CHST8: variants seen among roughly 807,000 people sequenced by gnomAD.
CHST8 encodes GALNAC-4-ST1.
CHST8 carries 10 observed loss-of-function variants against 15.0 expected under a neutral mutation model. That is an observed-to-expected ratio of 0.67 (90% CI 0.41 to 1.13). CHST8 has a LOEUF of 1.13. CHST8 is among the 50% of genes most tolerant of loss of function. The probability of loss-of-function intolerance (pLI) is 0.00; values close to 1 mark genes in which losing one functional copy is unlikely to be tolerated. For missense variants in CHST8, 634 were observed against 608.2 expected, an observed-to-expected ratio of 1.04 and a Z score of -0.45; for synonymous variants, 259 against 256.6, an observed-to-expected ratio of 1.01 and a Z score of -0.09.
chr19:33,622,618 C>G (rs1460826502), intron 1 of CHST8, among the ~76,000 whole-genome samples: 1 of 152,160 alleles, frequency 6.6e-6, no homozygotes, highest in Non-Finnish European at 1.5e-5. Flanking sequence ...CCTCCTGGCC[C>G]TCGGTGCTGC....
intron 3 of CHST8, among the ~76,000 whole-genome samples, chr19:33,748,968 C>G (rs1461891420): frequency 6.6e-6 from 1 of 152,152 alleles, no homozygotes; most frequent in African/African-American, 2.4e-5. Flanking sequence ...AGCTCCCACC[C>G]AACAGGCGCA....
intron 1 of CHST8, among the ~76,000 whole-genome samples, chr19:33,626,598 A>C (rs1157881748): frequency 6.6e-6 from 1 of 152,086 alleles, no homozygotes; most frequent in Non-Finnish European, 1.5e-5. Context: ...TAGTTCCCAC[A>C]AGAGCTGGTT....
At chr19:33,638,095 A>C (rs1445060848) in intron 1 of CHST8, among the ~76,000 whole-genome samples, 1 of 151,998 alleles carries the variant, frequency 6.6e-6, no homozygotes, top group Non-Finnish European at 1.5e-5. Flanking sequence ...CTCCATCCAA[A>C]TATGCTGTCA....
chr19:33,676,887 A>G (rs1291302003), intron 2 of CHST8, among the ~76,000 whole-genome samples: 1 of 149,178 alleles, frequency 6.7e-6, no homozygotes, highest in East Asian at 2.0e-4. Context: ...TTAAAAAAGA[A>G]AAAAAAAAAA....
chr19:33,625,162 C>T (rs981545086), intron 1 of CHST8, among the ~76,000 whole-genome samples: 1 of 151,830 alleles, frequency 6.6e-6, no homozygotes, highest in African/African-American at 2.4e-5. Context: ...CTCTGTTTGC[C>T]ACAAGCTCTG....
At chr19:33,731,452 A>G (rs898478197) in intron 3 of CHST8, among the ~76,000 whole-genome samples, 10 of 152,216 alleles carry the variant, frequency 6.6e-5, no homozygotes, top group Non-Finnish European at 1.5e-5. Flanking sequence ...ATGCTAATGC[A>G]TTATAATTAG....
At chr19:33,757,319 G>A (rs1263249426) in intron 3 of CHST8, among the ~76,000 whole-genome samples, 1 of 150,234 alleles carries the variant, frequency 6.7e-6, no homozygotes, top group East Asian at 2.0e-4. Flanking sequence ...GGTGGAGGTT[G>A]CAGTGAGCCA....
chr19:33,720,913 C>T (rs1021573955), intron 3 of CHST8, among the ~76,000 whole-genome samples: 11 of 152,260 alleles, frequency 7.2e-5, no homozygotes, highest in Non-Finnish European at 1.5e-4. Context: ...CCAGCACTGG[C>T]CCGACGTGGA....
intron 3 of CHST8, among the ~76,000 whole-genome samples, chr19:33,718,406 A>G (rs1973706725): frequency 1.3e-5 from 2 of 151,230 alleles, no homozygotes; most frequent in African/African-American, 4.9e-5. Context: ...TTAAGCCCAC[A>G]TTTCACCCCT....
intron 2 of CHST8, among the ~76,000 whole-genome samples, chr19:33,670,613 C>A (rs1972724651): frequency 6.6e-6 from 1 of 152,128 alleles, no homozygotes; most frequent in Non-Finnish European, 1.5e-5. Context: ...TTCTGGAAGC[C>A]CTTTCCAGGA....
intron 1 of CHST8, among the ~76,000 whole-genome samples, chr19:33,661,361 C>T (rs1600244022): frequency 6.6e-6 from 1 of 152,236 alleles, no homozygotes; most frequent in Non-Finnish European, 1.5e-5. Flanking sequence ...TCAGTTCTCA[C>T]AACAAAGCCC....
intron 1 of CHST8, among the ~76,000 whole-genome samples, chr19:33,648,085 G>A (rs1316054072): frequency 6.6e-6 from 1 of 152,104 alleles, no homozygotes; most frequent in East Asian, 1.9e-4. Context: ...GCTGGTGGAT[G>A]TGGGGGATTG....
rs115407907 is a variant in CHST8 at position 33,665,650 on chromosome 19, A to T, written c.-163-2117A>T. Among the ~76,000 whole-genome samples, 493 of 152,072 alleles carry T rather than the reference A, an allele frequency of 3.2e-3. 1 individual carries two copies. Among genetic ancestry groups the T allele is most frequent in the African/African-American group, 0.011 (456 of 41,496 alleles). On this transcript the variant is annotated intron_variant, in intron 1 of 4. Coordinates refer to ENST00000650847, the MANE Select transcript of CHST8 (RefSeq NM_001127895.2). ...ATCTTCAAAACTGAAAAAAAAAAAAAGCTTTTCTCAAGTGCAATCCTGTAG... is the reference window on the plus strand; with the variant it reads ...ATCTTCAAAACTGAAAAAAAAAAAATGCTTTTCTCAAGTGCAATCCTGTAG...
intron 3 of CHST8, among the ~76,000 whole-genome samples, chr19:33,737,850 C>T (rs527360960): frequency 6.8e-4 from 104 of 152,290 alleles, no homozygotes; most frequent in Non-Finnish European, 1.1e-3. Context: ...TTGATAGCCA[C>T]GTACCTGGCC....
At chr19:33,765,535 G>A (rs1974817377) in intron 3 of CHST8, among the ~76,000 whole-genome samples, 2 of 127,864 alleles carry the variant, frequency 1.6e-5, no homozygotes, top group African/African-American at 3.1e-5. Flanking sequence ...GTGTGTGTGT[G>A]TGTGTGTGTG....
At chr19:33,622,812 C>G (rs896376731) in intron 1 of CHST8, among the ~76,000 whole-genome samples, 1 of 152,194 alleles carries the variant, frequency 6.6e-6, no homozygotes, top group African/African-American at 2.4e-5. Context: ...GCGCGCGTCC[C>G]CGACCCGCAA....
chr19:33,715,805 T>C (rs1388014890), intron 3 of CHST8, among the ~76,000 whole-genome samples: 1 of 152,198 alleles, frequency 6.6e-6, no homozygotes, highest in Non-Finnish European at 1.5e-5. Context: ...TAAGCAGTCA[T>C]TGAGCACCTG....
intron 3 of CHST8, among the ~76,000 whole-genome samples, chr19:33,768,327 C>A (rs1974893989): frequency 6.6e-6 from 1 of 152,108 alleles, no homozygotes; most frequent in African/African-American, 2.4e-5. Context: ...ATAATTCCAG[C>A]CCTTTGGGAG....
At chr19:33,771,933 T>A (rs377680400) in intron 4 of CHST8, 24 bp from the exon 5 acceptor site, 18 of 1,532,544 alleles carry the variant, frequency 1.2e-5, no homozygotes, top group Non-Finnish European at 1.6e-5. Context: ...TCCACTCAGA[T>A]AACCACTTCT....
Sources: gnomAD v4.1 joint callset for allele counts (sites outside exome capture counted in the v4.1 genomes callset) on GRCh38, gnomAD v4.1.1 for gene constraint, MANE v1.5 for transcripts, NCBI Gene and HGNC (gene_info 2026-07-23, HGNC 2026-07-21) for gene names.